The following WASF3 variants were observed in gnomAD, a reference collection of about 807,000 sequenced individuals.
WASF3 encodes WASP family member 3.
A neutral mutation model predicts 46.6 loss-of-function variants in WASF3; 11 were observed. The ratio of observed to expected loss-of-function variants is 0.24; its 90% CI spans 0.15 to 0.39. The LOEUF (loss-of-function observed/expected upper bound fraction) is 0.39. Among genes scored for constraint, WASF3 ranks in the 10% least tolerant of loss-of-function variants. The pLI, the probability that WASF3 is intolerant of heterozygous loss-of-function variation, is 1.00. For missense variants in WASF3, 576 were observed against 669.8 expected (o/e 0.86, Z 1.55); for synonymous variants, 242 against 259.7 (o/e 0.93, Z 0.65).
intron 1 of WASF3, among the ~76,000 whole-genome samples, chr13:26,584,383 A>G (rs535326855): frequency 1.3e-5 from 2 of 152,330 alleles, no homozygotes; most frequent in Admixed American, 1.3e-4. Context: ...GTAAAGTAAA[A>G]AGGTGACCTT....
intron 2 of WASF3, chr13:26,620,816 A>G (rs1881282214): frequency 1.3e-5 from 2 of 152,214 alleles, no homozygotes; most frequent in African/African-American, 4.8e-5. Context: ...GGATCTTTAT[A>G]TGCCATTTTG....
intron 1 of WASF3, among the ~76,000 whole-genome samples, chr13:26,582,399 G>A (rs886264115): frequency 6.6e-6 from 1 of 152,058 alleles, no homozygotes; most frequent in African/African-American, 2.4e-5. Context: ...AGCCGGGCCG[G>A]GCACGGTGGC....
chr13:26,655,749 G>C (rs538470994), intron 3 of WASF3, among the ~76,000 whole-genome samples: 1 of 152,254 alleles, frequency 6.6e-6, no homozygotes, highest in African/African-American at 2.4e-5. Flanking sequence ...TGGACTGATG[G>C]ATTATTTTAT....
the WASF3 span, among the ~76,000 whole-genome samples, chr13:26,551,861 TAG>T: frequency 6.6e-6 from 1 of 152,154 alleles, no homozygotes; most frequent in Admixed American, 6.5e-5. Flanking sequence ...TTGAGCAGCA[TAG>T]AGATGCTATC....
chr13:26,680,260 A>G, intron 7 of WASF3: 7 of 1,503,862 alleles, frequency 4.7e-6, no homozygotes, highest in South Asian at 1.3e-5. Context: ...TTCTGCCGCC[A>G]TGAGAGGATG....
chr13:26,580,441 A>G (rs17084351), intron 1 of WASF3, among the ~76,000 whole-genome samples: 32,302 of 152,054 alleles, frequency 0.21, 3,852 homozygotes, highest in East Asian at 0.28. Flanking sequence ...GGCTTTGTCT[A>G]AAACTCGACA....
rs1300895386 is a variant in WASF3 at position 26,682,950 on chromosome 13, G to A, written c.1327G>A (p.Asp443Asn). Reference sequence around the variant, plus strand: ...GCCACCAATCAGTGATGCTCGAAGCGACCTCCTCGCTGCTATTCGAATGGG... The same window carrying A: ...GCCACCAATCAGTGATGCTCGAAGCAACCTCCTCGCTGCTATTCGAATGGG... ...AQPPISDARS[D>N]LLAAIRMGIQ... The change falls in exon 9 of 10, where the codon GAC becomes AAC. Residue 443 changes from aspartate (D) to asparagine (N), a missense_variant. By Grantham distance (23) the Asp-to-Asn change is conservative. This residue lies in a region of WASF3 where 68 missense variants were observed against 100.3 expected (regional missense o/e 0.68). Coordinates refer to ENST00000335327, the MANE Select transcript of WASF3 (RefSeq NM_006646.6). The surrounding 1 kb of genome is among the most constrained non-coding windows in gnomAD (Gnocchi z 4.4). 5 of 1,606,402 alleles carry A rather than the reference G, an allele frequency of 3.1e-6. No homozygotes were observed. The African/African-American group carries it at 4.0e-5, about 13-fold the overall frequency.
intron 2 of WASF3, among the ~76,000 whole-genome samples, chr13:26,633,317 C>T (rs1323379464): frequency 4.7e-5 from 7 of 149,372 alleles, no homozygotes; most frequent in Admixed American, 1.4e-4. Context: ...ATTCTCCTGC[C>T]TCAGCCTCCC....
chr13:26,639,406 CTA>C (rs1364372304), intron 2 of WASF3, among the ~76,000 whole-genome samples: 2 of 152,196 alleles, frequency 1.3e-5, no homozygotes, highest in East Asian at 3.9e-4. Context: ...ATGTAAATGT[CTA>C]TGGCTGTACA....
At chr13:26,587,165 A>AT (rs1211003217) in intron 1 of WASF3, among the ~76,000 whole-genome samples, 17 of 139,640 alleles carry the variant, frequency 1.2e-4, no homozygotes, top group African/African-American at 2.1e-4. Flanking sequence ...AAGAATCCTC[A>AT]TTTTTTTTGC....
chr13:26,623,121 A>G (rs1451900803), intron 2 of WASF3, among the ~76,000 whole-genome samples: 4 of 152,188 alleles, frequency 2.6e-5, no homozygotes, highest in Non-Finnish European at 5.9e-5. Flanking sequence ...TGCATTCTTA[A>G]GGTTGAGTAT....
At chr13:26,667,095 T>C (rs1295317331) in intron 4 of WASF3, among the ~76,000 whole-genome samples, 1 of 152,214 alleles carries the variant, frequency 6.6e-6, no homozygotes, top group Non-Finnish European at 1.5e-5. Flanking sequence ...GTTATTTCCA[T>C]TTGTGTAATT....
At chr13:26,666,147 A>G (rs1882763930) in intron 4 of WASF3, among the ~76,000 whole-genome samples, 1 of 152,242 alleles carries the variant, frequency 6.6e-6, no homozygotes, top group Admixed American at 6.5e-5. Flanking sequence ...AATGTAAAAC[A>G]TTGATTTTAA....
intron 2 of WASF3, among the ~76,000 whole-genome samples, chr13:26,635,419 C>T (rs1000602912): frequency 6.6e-6 from 1 of 152,166 alleles, no homozygotes; most frequent in African/African-American, 2.4e-5. Context: ...AGCTTCCTTG[C>T]AATGGGTTAG....
intron 1 of WASF3, among the ~76,000 whole-genome samples, chr13:26,581,920 A>G (rs9581708): frequency 0.099 from 15,109 of 152,294 alleles, 881 homozygotes; most frequent in Middle Eastern, 0.22. Flanking sequence ...TTTTAGAGTC[A>G]GGAATGAAGG....
At chr13:26,607,592 T>C (rs965344057) in intron 1 of WASF3, among the ~76,000 whole-genome samples, 3 of 152,204 alleles carry the variant, frequency 2.0e-5, no homozygotes, top group African/African-American at 7.2e-5. Flanking sequence ...TTTTTGTTTT[T>C]TGTTTTTAAT....
chr13:26,612,296 T>C (rs946117090), intron 1 of WASF3, among the ~76,000 whole-genome samples: 2 of 152,202 alleles, frequency 1.3e-5, no homozygotes, highest in Non-Finnish European at 2.9e-5. Context: ...GTATGTATTC[T>C]TCCCAAGTAG....
chr13:26,618,031 C>G (rs967095699), intron 2 of WASF3, among the ~76,000 whole-genome samples: 3 of 152,158 alleles, frequency 2.0e-5, no homozygotes, highest in Admixed American at 2.0e-4. Context: ...TCAATTAAAC[C>G]TCTTTCCCTT....
chr13:26,671,857 T>C lies in WASF3; in HGVS notation c.423-15T>C. 6.6e-7 allele frequency: 1 copy of C among 1,521,650 alleles called. No homozygotes were observed. The highest frequency in any genetic ancestry group is 8.9e-7 in the Non-Finnish European group (1 of 1,122,186). 94.3% of individuals were successfully genotyped at this position (1,521,650 alleles called of 1,614,324 possible). ...CAATCTTTTCTTCCCTGACTTACAA[T>C]ACATTGATTTGTAGAGATGACAAGA... On this transcript the variant is annotated splice_polypyrimidine_tract_variant and intron_variant, in intron 5 of 9. Coordinates refer to ENST00000335327, the MANE Select transcript of WASF3 (RefSeq NM_006646.6).
Sources: gnomAD v4.1 joint callset for allele counts (sites outside exome capture counted in the v4.1 genomes callset) on GRCh38, gnomAD v4.1.1 for gene constraint, gnomAD v4.1.1 regional missense constraint, Gnocchi (gnomAD v3.1) non-coding constraint, MANE v1.5 for transcripts, NCBI Gene and HGNC (gene_info 2026-07-23, HGNC 2026-07-21) for gene names.